Variants in RGS12 observed in about 807,000 individuals in gnomAD.
The protein encoded by RGS12 is regulator of G protein signaling 12, also known as regulator of G-protein signaling 12.
RGS12 carries 66 observed loss-of-function variants against 120.1 expected under a neutral mutation model. That is an observed-to-expected ratio of 0.55 (90% CI 0.45 to 0.67). The LOEUF is 0.67. RGS12 is among the 30% of genes least tolerant of loss of function. RGS12 has a pLI of 0.00. For synonymous variants in RGS12, 827 were observed against 804.7 expected (o/e 1.03, Z -0.47); for missense variants, 1,859 against 1,957.7 (o/e 0.95, Z 0.95).
intron 3 of RGS12, among the ~76,000 whole-genome samples, chr4:3,355,524 G>T (rs900147348): frequency 9.9e-5 from 15 of 152,160 alleles, no homozygotes; most frequent in Admixed American, 7.9e-4. Context: ...AAGTCCCGTG[G>T]TGGCTCACGC....
chr4:3,435,382 AG>A (rs1231176724), intron 17 of RGS12, among the ~76,000 whole-genome samples: 1 of 152,054 alleles, frequency 6.6e-6, no homozygotes, highest in Non-Finnish European at 1.5e-5. Context: ...CCGCAGGAGC[AG>A]ATGCAGCTTA....
At chr4:3,348,521 A>G (rs2749779) in intron 3 of RGS12, among the ~76,000 whole-genome samples, 44,575 of 152,036 alleles carry the variant, frequency 0.29, 6,546 homozygotes, top group South Asian at 0.36. Flanking sequence ...GGTGTCCAGT[A>G]TTACGAGTGC....
intron 17 of RGS12, among the ~76,000 whole-genome samples, chr4:3,434,391 T>C (rs552399421): frequency 6.6e-6 from 1 of 152,130 alleles, no homozygotes; most frequent in Admixed American, 6.5e-5. Flanking sequence ...CCAAACCATA[T>C]CAGTGTGTCA....
At chr4:3,307,221 C>T (rs1006392964) in intron 1 of RGS12, among the ~76,000 whole-genome samples, 8 of 152,142 alleles carry the variant, frequency 5.3e-5, no homozygotes, top group Admixed American at 2.0e-4. Context: ...GCTGCTTTTC[C>T]GGTCCTGGGA....
intron 16 of RGS12, among the ~76,000 whole-genome samples, chr4:3,429,226 A>G (rs778678975): frequency 6.6e-6 from 1 of 152,264 alleles, no homozygotes; most frequent in African/African-American, 2.4e-5. Flanking sequence ...AGGAGAGACA[A>G]CAGGCACACT....
chr4:3,357,542 A>T (rs145039426), intron 3 of RGS12, among the ~76,000 whole-genome samples: 1 of 152,102 alleles, frequency 6.6e-6, no homozygotes, highest in Non-Finnish European at 1.5e-5. Context: ...TAATTTTTGT[A>T]TATGGTGTTA....
At chr4:3,346,459 G>A (rs1248842847) in intron 3 of RGS12, among the ~76,000 whole-genome samples, 1 of 152,168 alleles carries the variant, frequency 6.6e-6, no homozygotes, top group Non-Finnish European at 1.5e-5. Flanking sequence ...CTGTCTTGTG[G>A]TCTAAGTGTC....
intron 3 of RGS12, among the ~76,000 whole-genome samples, chr4:3,349,849 T>C (rs528865529): frequency 1.3e-5 from 2 of 152,310 alleles, no homozygotes; most frequent in African/African-American, 4.8e-5. Context: ...TTCAGCAATG[T>C]ATGTTTTAGT....
chr4:3,388,432 G>A (rs1335294402), intron 4 of RGS12, among the ~76,000 whole-genome samples: 2 of 152,222 alleles, frequency 1.3e-5, no homozygotes, highest in Non-Finnish European at 2.9e-5. Flanking sequence ...GCTCTAGATC[G>A]GTGTCACATT....
intron 16 of RGS12, among the ~76,000 whole-genome samples, chr4:3,429,905 C>A (rs1724066733): frequency 6.6e-6 from 1 of 152,178 alleles, no homozygotes; most frequent in Non-Finnish European, 1.5e-5. Context: ...CCTTCCCAGA[C>A]CACCCGTCTC....
chr4:3,296,544 C>T (rs1723392794), intron 1 of RGS12, among the ~76,000 whole-genome samples: 1 of 152,158 alleles, frequency 6.6e-6, no homozygotes, highest in African/African-American at 2.4e-5. Flanking sequence ...GTCCTGGGAG[C>T]CTTAGTTTAC....
chr4:3,302,991 C>T (rs1232803704), intron 1 of RGS12, among the ~76,000 whole-genome samples: 1 of 152,136 alleles, frequency 6.6e-6, no homozygotes, highest in Non-Finnish European at 1.5e-5. Context: ...GTTGCCTGTT[C>T]GTAGTTGCCC....
chr4:3,405,577 C>T (rs1026652924), intron 4 of RGS12, among the ~76,000 whole-genome samples: 3 of 152,140 alleles, frequency 2.0e-5, no homozygotes, highest in African/African-American at 4.8e-5. Flanking sequence ...ACAGGATTGA[C>T]GAAGCTGGAA....
At chr4:3,288,660 T>C (rs1722952458), upstream of RGS12, among the ~76,000 whole-genome samples, 2 of 152,204 alleles carry the variant, frequency 1.3e-5, no homozygotes, top group Admixed American at 6.5e-5. The surrounding 1 kb of genome is among the most constrained non-coding windows in gnomAD (Gnocchi z 5.2). Context: ...GACCCTGGCA[T>C]GTTGCCACAG....
intron 2 of RGS12, among the ~76,000 whole-genome samples, chr4:3,334,956 T>C (rs995824984): frequency 3.9e-5 from 6 of 152,142 alleles, no homozygotes; most frequent in African/African-American, 1.4e-4. Flanking sequence ...TTTCTTGCCT[T>C]ATGTTTTGTT....
At chr4:3,293,762 C>T (rs1236763015) in intron 1 of RGS12, among the ~76,000 whole-genome samples, 2 of 149,972 alleles carry the variant, frequency 1.3e-5, no homozygotes, top group Non-Finnish European at 3.0e-5. Flanking sequence ...GGAGTGTAGA[C>T]AGAGAGGGGG....
At chr4:3,423,833 G>T (rs1723305246) in intron 13 of RGS12, 192 bp downstream of exon 13, 3 of 655,812 alleles carry the variant, frequency 4.6e-6, no homozygotes, top group Admixed American at 3.1e-5. Flanking sequence ...AGCCATCATG[G>T]TTTATTTGTA....
In RGS12 at chr4:3,433,995, C is replaced by A. The variant is rs1724580352; in HGVS notation, c.4114+3040C>A. ...AAGTGTCAGGCCCCTCGTGAGGCTC[C>A]AGGGCACGCTGGCAGAGGTGTGCAT... On this transcript the variant is annotated intron_variant, in intron 17 of 17. Transcript: ENST00000336727. The surrounding 1 kb of genome is among the most constrained non-coding windows in gnomAD (Gnocchi z 4.4). 6.6e-6 allele frequency among the ~76,000 whole-genome samples: 1 copy of A among 152,230 alleles called. No homozygotes were observed. The highest frequency in any genetic ancestry group is 1.5e-5 in the Non-Finnish European group (1 of 68,038).
At chr4:3,327,448 A>T (rs910844396) in intron 2 of RGS12, among the ~76,000 whole-genome samples, 1 of 152,214 alleles carries the variant, frequency 6.6e-6, no homozygotes, top group Non-Finnish European at 1.5e-5. Context: ...GACTTAAAGA[A>T]CTTCTGCACA....
Sources: gnomAD v4.1 joint callset for allele counts (sites outside exome capture counted in the v4.1 genomes callset) on GRCh38, gnomAD v4.1.1 for gene constraint, Gnocchi (gnomAD v3.1) non-coding constraint, MANE v1.5 for transcripts, NCBI Gene and HGNC (gene_info 2026-07-23, HGNC 2026-07-21) for gene names.